The following MAGI1 variants were observed in gnomAD, a reference collection of about 807,000 sequenced individuals.
The protein encoded by MAGI1 is membrane associated guanylate kinase, WW and PDZ domain containing 1, also known as membrane-associated guanylate kinase, WW and PDZ domain-containing protein 1.
Under a neutral mutation model 139.9 loss-of-function variants are expected in MAGI1, and 58 were observed. The ratio of observed to expected loss-of-function variants is 0.41; its 90% CI spans 0.34 to 0.52. MAGI1 has a LOEUF of 0.52. Among genes scored for constraint, MAGI1 ranks in the 20% least tolerant of loss-of-function variants. The pLI is 0.12. For missense variants in MAGI1, 1,874 were observed against 1,901.6 expected (o/e 0.99, Z 0.27); for synonymous variants, 812 against 737.9 (o/e 1.10, Z -1.63).
At chr3:65,785,848 G>C (rs995551256) in intron 1 of MAGI1, among the ~76,000 whole-genome samples, 1 of 151,884 alleles carries the variant, frequency 6.6e-6, no homozygotes, top group Non-Finnish European at 1.5e-5. Flanking sequence ...TCTGAAACAA[G>C]TTCACAGAGA....
intron 1 of MAGI1, chr3:65,872,693 T>C (rs979783986): frequency 6.6e-6 from 1 of 152,202 alleles, no homozygotes; most frequent in African/African-American, 2.4e-5. Flanking sequence ...AAAATAAATA[T>C]TTTATTGTAT....
At position 65,687,335 on chromosome 3, in the gene MAGI1, C is replaced by T. The variant is rs531380266; in HGVS notation, c.314-65247G>A. The T allele has an allele frequency of 6.1e-5, 15 of 244,106 alleles. No homozygotes were observed. In the South Asian group the frequency reaches 8.8e-4, roughly 14 times the overall value. The allele number at this position is 244,106 out of a possible 1,614,324, so 15.1% of individuals were successfully genotyped here. On this transcript the variant is annotated intron_variant, in intron 1 of 22. Transcript: ENST00000402939. ...TGACAAAGGTCATGGTTGTGGTGGACACTTGGGCTCCAAAAGAGGCTCAGG... is the reference window on the plus strand; with the variant it reads ...TGACAAAGGTCATGGTTGTGGTGGATACTTGGGCTCCAAAAGAGGCTCAGG...
At chr3:65,899,616 T>C (rs1318338983) in intron 1 of MAGI1, among the ~76,000 whole-genome samples, 3 of 152,164 alleles carry the variant, frequency 2.0e-5, no homozygotes, top group Non-Finnish European at 2.9e-5. Flanking sequence ...TTAAGAGAGC[T>C]GAAAACAGAA....
intron 1 of MAGI1, among the ~76,000 whole-genome samples, chr3:65,818,641 T>G (rs756756830): frequency 4.1e-4 from 63 of 152,122 alleles, no homozygotes; most frequent in Admixed American, 3.3e-3. Flanking sequence ...AACCCAACGT[T>G]TAATAACTCA....
At chr3:65,395,037 C>G (rs976809340) in intron 13 of MAGI1, among the ~76,000 whole-genome samples, 1 of 152,044 alleles carries the variant, frequency 6.6e-6, no homozygotes, top group Admixed American at 6.6e-5. Context: ...ATGGAAAAAC[C>G]TAGTACACAA....
chr3:65,836,655 C>T (rs1352127001), intron 1 of MAGI1, among the ~76,000 whole-genome samples: 1 of 152,054 alleles, frequency 6.6e-6, no homozygotes, highest in Admixed American at 6.5e-5. Context: ...CCCATCTCTA[C>T]TAAAACTACA....
intron 1 of MAGI1, among the ~76,000 whole-genome samples, chr3:65,682,953 T>C (rs1293739164): frequency 6.6e-6 from 1 of 152,124 alleles, no homozygotes; most frequent in Non-Finnish European, 1.5e-5. Context: ...GATGAAACTG[T>C]TCCACCTCAG....
intron 1 of MAGI1, 52 bp from the exon 2 acceptor site, chr3:65,622,140 A>G (rs1236962440): frequency 7.8e-7 from 1 of 1,286,040 alleles, no homozygotes; most frequent in African/African-American, 1.5e-5. Context: ...GGCCTCCTAG[A>G]AAAGAAGTAG....
intron 2 of MAGI1, among the ~76,000 whole-genome samples, chr3:65,533,229 C>G (rs1437362026): frequency 6.6e-6 from 1 of 152,110 alleles, no homozygotes; most frequent in Non-Finnish European, 1.5e-5. Context: ...TTAACTCAGT[C>G]CAACATTTAC....
rs1940200367 is a variant in MAGI1 at position 65,356,475 on chromosome 3, T to A, written c.4292A>T (p.Glu1431Val). ...GCCGGCATCCTGTTTCAGATTCGCC[T>A]CTTCCCTTTCTCGGTGGCTGGCTCT... ...EDRASHRERE[E>V]ANLKQDAGRS... Residue 1431 changes from glutamate (E) to valine (V), a missense_variant, in exon 23 of 23, where the codon GAG (glutamate) becomes GTG (valine). Coordinates refer to ENST00000402939, the MANE Select transcript of MAGI1 (RefSeq NM_001033057.2). 2 of 1,611,882 alleles carry A rather than the reference T, an allele frequency of 1.2e-6. No individual in the cohort carries two copies. Among genetic ancestry groups the A allele is most frequent in the Non-Finnish European group, 1.7e-6 (2 of 1,180,004 alleles).
chr3:65,487,092 T>G (rs761181323), intron 3 of MAGI1, among the ~76,000 whole-genome samples: 1 of 152,218 alleles, frequency 6.6e-6, no homozygotes, highest in African/African-American at 2.4e-5. Context: ...GGTTGCCAGA[T>G]GAAATGCAAG....
chr3:65,738,309 C>A (rs2107768172), intron 1 of MAGI1, among the ~76,000 whole-genome samples: 1 of 152,300 alleles, frequency 6.6e-6, no homozygotes, highest in Non-Finnish European at 1.5e-5. Flanking sequence ...GTTGCTAGGA[C>A]TATAGGCATG....
chr3:65,678,799 C>CT (rs1035560481), intron 1 of MAGI1, among the ~76,000 whole-genome samples: 3 of 152,190 alleles, frequency 2.0e-5, no homozygotes, highest in Non-Finnish European at 4.4e-5. Flanking sequence ...CATCTCTCTC[C>CT]TACCCTGGAA....
intron 9 of MAGI1, among the ~76,000 whole-genome samples, chr3:65,438,128 A>G (rs972700880): frequency 6.6e-6 from 1 of 152,216 alleles, no homozygotes; most frequent in African/African-American, 2.4e-5. Flanking sequence ...AATCAACCTA[A>G]GTGTCCATCA....
chr3:65,912,236 CAA>C (rs35498262), intron 1 of MAGI1, among the ~76,000 whole-genome samples: 29 of 130,924 alleles, frequency 2.2e-4, no homozygotes, highest in Non-Finnish European at 2.5e-4. Flanking sequence ...ACTCTGATCT[CAA>C]AAAAAAAAAA....
chr3:65,761,570 C>T (rs773411244), intron 1 of MAGI1, among the ~76,000 whole-genome samples: 4 of 152,168 alleles, frequency 2.6e-5, no homozygotes, highest in Admixed American at 6.5e-5. Context: ...TAGTGGCAAA[C>T]GCAGGGAGGT....
In MAGI1 at chr3:65,812,082, T is replaced by C. The variant is rs150234322; in HGVS notation, c.314-189994A>G. ...TCTCTGCATTAAGCCAGCCTGAAATTGATCTGTGTCTCTCCGTAACTCAAA... is the reference window on the plus strand; with the variant it reads ...TCTCTGCATTAAGCCAGCCTGAAATCGATCTGTGTCTCTCCGTAACTCAAA... On this transcript the variant is annotated intron_variant, in intron 1 of 22. Coordinates refer to ENST00000402939, the MANE Select transcript of MAGI1 (RefSeq NM_001033057.2). Among the ~76,000 whole-genome samples the C allele has an allele frequency of 3.3e-5, 5 of 152,180 alleles. No individual in the cohort carries two copies. In the East Asian group the frequency reaches 9.7e-4, roughly 29 times the overall value.
chr3:65,609,392 C>T (rs1008182004), intron 2 of MAGI1, among the ~76,000 whole-genome samples: 8 of 151,854 alleles, frequency 5.3e-5, no homozygotes, highest in Admixed American at 1.3e-4. Flanking sequence ...GTTCTCCTGC[C>T]TCAGCCTCCC....
At position 65,633,989 on chromosome 3, in the gene MAGI1, G is replaced by A. The variant is rs192256389; in HGVS notation, c.314-11901C>T. Among the ~76,000 whole-genome samples the A allele has an allele frequency of 8.5e-5, 13 of 152,238 alleles. 1 individual carries two copies. Among genetic ancestry groups the A allele is most frequent in the Admixed American group, 8.5e-4 (13 of 15,290 alleles). ...ATTAGAATTCTAACTGGACCAATTG[G>A]ACTCGAGATGACAGTGAACACTGAT... On this transcript the variant is annotated intron_variant, in intron 1 of 22. Transcript: ENST00000402939.
Sources: gnomAD v4.1 joint callset for allele counts (sites outside exome capture counted in the v4.1 genomes callset) on GRCh38, gnomAD v4.1.1 for gene constraint, MANE v1.5 for transcripts, NCBI Gene and HGNC (gene_info 2026-07-23, HGNC 2026-07-21) for gene names.